The following DEPTOR variants were observed in gnomAD, a reference collection of about 807,000 sequenced individuals.
DEPTOR encodes the protein DEP domain containing MTOR interacting protein, also known as DEP domain-containing mTOR-interacting protein.
A neutral mutation model predicts 41.6 loss-of-function variants in DEPTOR; 41 were observed. The observed-to-expected ratio is 0.98, with a 90% CI of 0.77 to 1.28. DEPTOR has a LOEUF of 1.28. Ranked by LOEUF, DEPTOR falls within the 50% of genes most tolerant of loss-of-function variation. The probability of loss-of-function intolerance (pLI) is 0.00; values close to 1 mark genes in which losing one functional copy is unlikely to be tolerated. For synonymous variants in DEPTOR, 195 were observed against 192.3 expected, an observed-to-expected ratio of 1.01 and a Z score of -0.12; for missense variants, 514 against 527.9, an observed-to-expected ratio of 0.97 and a Z score of 0.26.
Position 119,968,005 on chromosome 8 carries a change from G to T in DEPTOR, c.604+2595G>T, listed in dbSNP as rs1380688162. Among the ~76,000 whole-genome samples the T allele has an allele frequency of 3.3e-5, 5 of 152,052 alleles. No homozygotes were observed. The East Asian group carries it at 9.7e-4, about 29-fold the overall frequency. On this transcript the variant is annotated intron_variant, in intron 4 of 8. Transcript: ENST00000286234. The stretch of plus-strand genomic sequence containing the variant: ...ACAGTTGGACTCACAGCTGTCTGTT[G>T]GTGGCCTAACATGTCTAGCTCTGGT...
intron 4 of DEPTOR, among the ~76,000 whole-genome samples, chr8:119,979,130 A>G (rs1828731963): frequency 6.6e-6 from 1 of 152,184 alleles, no homozygotes. Flanking sequence ...TTACACTCAC[A>G]TACATCTATC....
chr8:119,963,768 A>G (rs1828521166), intron 3 of DEPTOR, among the ~76,000 whole-genome samples: 1 of 152,174 alleles, frequency 6.6e-6, no homozygotes, highest in Non-Finnish European at 1.5e-5. Context: ...TGGAGATGTG[A>G]AAATGGAATC....
intron 1 of DEPTOR, among the ~76,000 whole-genome samples, chr8:119,905,255 G>A (rs766577573): frequency 3.7e-4 from 57 of 152,276 alleles, no homozygotes; most frequent in Non-Finnish European, 6.9e-4. Context: ...AGATAGAAAT[G>A]TGGACAGACA....
chr8:119,897,254 G>T (rs183357092), intron 1 of DEPTOR, among the ~76,000 whole-genome samples: 1 of 152,126 alleles, frequency 6.6e-6, no homozygotes, highest in Admixed American at 6.5e-5. Flanking sequence ...CATATTCCAG[G>T]TCGGGAGCGG....
At chr8:119,966,570 C>T (rs1415827997) in intron 4 of DEPTOR, among the ~76,000 whole-genome samples, 1 of 152,136 alleles carries the variant, frequency 6.6e-6, no homozygotes, top group East Asian at 1.9e-4. Context: ...CTGCAACCTC[C>T]GCCTCCCAGG....
chr8:119,995,227 G>A (rs1228561803), intron 4 of DEPTOR, among the ~76,000 whole-genome samples: 1 of 152,104 alleles, frequency 6.6e-6, no homozygotes, highest in African/African-American at 2.4e-5. Flanking sequence ...AGTAAATGTG[G>A]CAGAGCTAGG....
At chr8:120,034,095 T>C (rs1812936122) in intron 8 of DEPTOR, among the ~76,000 whole-genome samples, 1 of 151,980 alleles carries the variant, frequency 6.6e-6, no homozygotes, top group Non-Finnish European at 1.5e-5. Context: ...TACTTGGCTC[T>C]CTCCCCTGGG....
At chr8:119,991,072 TTCTTTCTTTCTTTCTTTTTCTTTCTTTC>T (rs1305066478) in intron 4 of DEPTOR, among the ~76,000 whole-genome samples, 10 of 73,818 alleles carry the variant, frequency 1.4e-4, no homozygotes, top group African/African-American at 4.9e-4. Flanking sequence ...CTTTCTTTCT[TTCTTTCTTTCTTTCTTTTTCTTTCTTTC>T]TTTCTTTCTT....
In DEPTOR at chr8:119,941,633, G is replaced by C. The variant is rs7005380; in HGVS notation, c.425+11695G>C. ...GCCTGGAGATGTTGATAATGATGAA[G>C]GCAGCAAACCCAGGGCGAGTAGCCC... On this transcript the variant is annotated intron_variant, in intron 3 of 8. Coordinates refer to ENST00000286234, the MANE Select transcript of DEPTOR (RefSeq NM_022783.4). Among the ~76,000 whole-genome samples, 429 of 151,964 alleles carry C rather than the reference G, an allele frequency of 2.8e-3. 6 individuals carry two copies. The highest frequency in any genetic ancestry group is 9.2e-3 in the African/African-American group (381 of 41,460).
chr8:120,000,246 C>G (rs1010496078), intron 4 of DEPTOR, among the ~76,000 whole-genome samples: 1 of 152,032 alleles, frequency 6.6e-6, no homozygotes, highest in African/African-American at 2.4e-5. Flanking sequence ...AATTTTAGAA[C>G]ATTTTCATCA....
chr8:119,912,917 T>C (rs1044030436), intron 1 of DEPTOR, among the ~76,000 whole-genome samples: 1 of 152,192 alleles, frequency 6.6e-6, no homozygotes. Context: ...TTTTTGTTTT[T>C]GTTTTTTGTT....
intron 8 of DEPTOR, among the ~76,000 whole-genome samples, chr8:120,041,951 C>G (rs1208753083): frequency 6.6e-6 from 1 of 152,130 alleles, no homozygotes; most frequent in East Asian, 1.9e-4. Flanking sequence ...CTCCTTATCC[C>G]TTCATTTGAA....
At chr8:119,949,461 A>C (rs2129921088) in intron 3 of DEPTOR, among the ~76,000 whole-genome samples, 1 of 152,320 alleles carries the variant, frequency 6.6e-6, no homozygotes, top group Non-Finnish European at 1.5e-5. Flanking sequence ...TATTTTCTGA[A>C]GTGCCTGCAC....
chr8:120,019,717 T>G (rs1812669836), intron 8 of DEPTOR, among the ~76,000 whole-genome samples: 1 of 152,216 alleles, frequency 6.6e-6, no homozygotes, highest in Admixed American at 6.5e-5. Flanking sequence ...TTCGCCACAG[T>G]CTGAGTACAT....
intron 5 of DEPTOR, 65 bp from the exon 6 acceptor site, chr8:120,002,912 C>A (rs1812376093): frequency 2.0e-6 from 3 of 1,520,246 alleles, no homozygotes; most frequent in South Asian, 1.2e-5. Context: ...CAGTTGAAAG[C>A]CTATGTGCTC....
chr8:120,045,226 AT>A (rs528851646), intron 8 of DEPTOR, among the ~76,000 whole-genome samples: 58 of 152,316 alleles, frequency 3.8e-4, no homozygotes, highest in African/African-American at 1.3e-3. Context: ...GACTGTCTTT[AT>A]GCCTAGGGTA....
At chr8:119,976,578 T>A (rs996155556) in intron 4 of DEPTOR, among the ~76,000 whole-genome samples, 1 of 152,142 alleles carries the variant, frequency 6.6e-6, no homozygotes, top group Non-Finnish European at 1.5e-5. Context: ...AAGGAAATGT[T>A]GAAAACAAGG....
At chr8:119,985,573 A>C (rs990878166) in intron 4 of DEPTOR, among the ~76,000 whole-genome samples, 1 of 152,116 alleles carries the variant, frequency 6.6e-6, no homozygotes, top group South Asian at 2.1e-4. Context: ...CCATTTGTCA[A>C]TTTTGGCTTT....
chr8:119,929,947 C>T lies in DEPTOR; in HGVS notation c.425+9C>T, dbSNP rs772798330. 39 of 1,605,618 alleles carry T rather than the reference C, an allele frequency of 2.4e-5. No individual in the cohort carries two copies. The highest frequency in any genetic ancestry group is 3.4e-5 in the Admixed American group (2 of 59,466). On this transcript the variant is annotated intron_variant, in intron 3 of 8. Coordinates refer to ENST00000286234, the MANE Select transcript of DEPTOR (RefSeq NM_022783.4). ...CAGAGGCTATATGAAAAGTATGTTC[C>T]GCATGAAATCCCCCCTGTAATCTTG... is the stretch of plus-strand genomic sequence containing the variant.
Sources: allele counts gnomAD v4.1 joint callset (sites outside exome capture counted in the v4.1 genomes callset), GRCh38; gene constraint gnomAD v4.1.1; transcripts MANE v1.5; gene names NCBI Gene and HGNC (gene_info 2026-07-23, HGNC 2026-07-21).